The following PPP2R3C variants were observed in gnomAD, a reference collection of about 807,000 sequenced individuals.
PPP2R3C encodes the protein serine/threonine-protein phosphatase 2A regulatory subunit B'' subunit gamma.
A neutral mutation model predicts 63.7 loss-of-function variants in PPP2R3C; 47 were observed. The ratio of observed to expected loss-of-function variants is 0.74; its 90% CI spans 0.58 to 0.94. PPP2R3C has a LOEUF of 0.94. Ranked by LOEUF, PPP2R3C falls within the 40% of genes least tolerant of loss-of-function variation. PPP2R3C has a pLI of 0.00. For missense variants in PPP2R3C, 421 were observed against 518.4 expected (o/e 0.81, Z 1.82); for synonymous variants, 180 against 177.4 (o/e 1.01, Z -0.12).
At chr14:35,116,284 C>T (rs956224926) in intron 2 of PPP2R3C, among the ~76,000 whole-genome samples, 6 of 152,038 alleles carry the variant, frequency 3.9e-5, no homozygotes, top group African/African-American at 1.5e-4. Context: ...CAGGGTCTAA[C>T]TCTGTTACCC....
At chr14:35,087,705 A>G (rs1404476903) in intron 12 of PPP2R3C, 2 of 428,006 alleles carry the variant, frequency 4.7e-6, no homozygotes. Flanking sequence ...CGGCCCCCTG[A>G]CTGTCTTAAT....
At chr14:35,089,081 T>C (rs1488951703) in intron 11 of PPP2R3C, among the ~76,000 whole-genome samples, 2 of 152,174 alleles carry the variant, frequency 1.3e-5, no homozygotes, top group African/African-American at 2.4e-5. Context: ...GCCGCTGATA[T>C]AAGCCCATAT....
At chr14:35,115,905 G>A (rs149097322) in intron 2 of PPP2R3C, among the ~76,000 whole-genome samples, 6 of 152,316 alleles carry the variant, frequency 3.9e-5, no homozygotes, top group African/African-American at 9.6e-5. Flanking sequence ...TTACAGGCAT[G>A]AGCCACCATG....
intron 1 of PPP2R3C, chr14:35,117,152 A>C (rs1232814206): frequency 1.8e-5 from 8 of 455,776 alleles, no homozygotes; most frequent in Non-Finnish European, 2.2e-5. Context: ...ATGGAGTTTC[A>C]GCCTCATAAT....
chr14:35,112,798 A>G (rs2046604827), intron 2 of PPP2R3C: 1 of 152,224 alleles, frequency 6.6e-6, no homozygotes, highest in Non-Finnish European at 1.5e-5. Context: ...CTTCATCTGC[A>G]TGATAAAACC....
At chr14:35,089,696 C>T (rs555280120) in intron 11 of PPP2R3C, among the ~76,000 whole-genome samples, 13 of 151,840 alleles carry the variant, frequency 8.6e-5, no homozygotes, top group South Asian at 2.1e-4. Context: ...GACTCAGTCT[C>T]GCTCTGTTAC....
chr14:35,105,592 A>T (rs2046324584), intron 6 of PPP2R3C, among the ~76,000 whole-genome samples: 1 of 152,172 alleles, frequency 6.6e-6, no homozygotes, highest in African/African-American at 2.4e-5. Context: ...TAAAAAAAAT[A>T]AAAATAAAAA....
At chr14:35,108,057 A>G (rs771439417) in intron 5 of PPP2R3C, 82 bp downstream of exon 5, 1 of 1,511,648 alleles carries the variant, frequency 6.6e-7, no homozygotes, top group South Asian at 1.3e-5. Context: ...GATTTCACAT[A>G]GAAGAAATAC....
intron 6 of PPP2R3C, chr14:35,102,427 G>C (rs1209544275): frequency 6.6e-6 from 1 of 152,160 alleles, no homozygotes. Context: ...AGGACAACTG[G>C]CATCTCAAAC....
chr14:35,119,869 G>A (rs868052307), intron 1 of PPP2R3C, among the ~76,000 whole-genome samples: 1 of 23,634 alleles, frequency 4.2e-5, no homozygotes, highest in Admixed American at 3.7e-4. Flanking sequence ...TTTTTTTTTT[G>A]AGACGGAGTC....
At chr14:35,100,841 C>T (rs994205555) in intron 6 of PPP2R3C, 4 of 152,264 alleles carry the variant, frequency 2.6e-5, no homozygotes, top group Non-Finnish European at 5.9e-5. Context: ...CCATGTTGCC[C>T]AGGCTGGTCT....
At chr14:35,120,770 G>C (rs987775038) in intron 1 of PPP2R3C, among the ~76,000 whole-genome samples, 1 of 151,876 alleles carries the variant, frequency 6.6e-6, no homozygotes, top group Non-Finnish European at 1.5e-5. Context: ...AACATAGCAA[G>C]ACCTCATCTC....
At chr14:35,119,290 G>A (rs143270685) in intron 1 of PPP2R3C, among the ~76,000 whole-genome samples, 185 of 152,052 alleles carry the variant, frequency 1.2e-3, no homozygotes, top group African/African-American at 4.1e-3. Context: ...TGCCTACCTC[G>A]GCCTCCCGAA....
At chr14:35,089,672 T>C (rs1448550454) in intron 11 of PPP2R3C, among the ~76,000 whole-genome samples, 5 of 151,950 alleles carry the variant, frequency 3.3e-5, no homozygotes, top group African/African-American at 7.3e-5. Flanking sequence ...TTTAATTTTT[T>C]TTTTTCTTTT....
Position 35,085,838 on chromosome 14 carries a change from G to T in PPP2R3C, c.1174-60C>A, listed in dbSNP as rs2045575148. Reference sequence around the variant, plus strand: ...CCACTTAATTTCTATCACACATAGTGATCCAAAATTCAGGGCTGTTTGCAT... The same window carrying T: ...CCACTTAATTTCTATCACACATAGTTATCCAAAATTCAGGGCTGTTTGCAT... On this transcript the variant is annotated intron_variant, in intron 12 of 12. Transcript: ENST00000261475. 8 of 1,392,760 alleles carry T rather than the reference G, an allele frequency of 5.7e-6. No individual in the cohort carries two copies. The South Asian group carries it at 1.1e-4, about 19-fold the overall frequency. The allele number at this position is 1,392,760 out of a possible 1,614,324, so 86.3% of individuals were successfully genotyped here.
intron 2 of PPP2R3C, 68 bp from the exon 3 acceptor site, chr14:35,110,697 C>T (rs766702866): frequency 9.7e-7 from 1 of 1,029,920 alleles, no homozygotes; most frequent in South Asian, 1.4e-5. Context: ...TGTATGTGGC[C>T]TCATAAAATA....
intron 1 of PPP2R3C, 147 bp from the exon 2 acceptor site, chr14:35,116,884 T>A: frequency 1.5e-6 from 1 of 645,610 alleles, no homozygotes; most frequent in Non-Finnish European, 2.4e-6. Flanking sequence ...CTGAGCATAT[T>A]AACTTTTCTG....
chr14:35,112,567 T>A (rs184915271), intron 2 of PPP2R3C, among the ~76,000 whole-genome samples: 4 of 152,204 alleles, frequency 2.6e-5, no homozygotes, highest in African/African-American at 9.6e-5. Context: ...TAAAGGAGTA[T>A]AAACCAAAAA....
intron 10 of PPP2R3C, among the ~76,000 whole-genome samples, chr14:35,094,652 A>C (rs1467484457): frequency 8.7e-6 from 1 of 114,814 alleles, no homozygotes; most frequent in Non-Finnish European, 2.0e-5. Context: ...TTTTAAAGAC[A>C]CTGTTACACA....
Sources: gnomAD v4.1 joint callset for allele counts (sites outside exome capture counted in the v4.1 genomes callset) on GRCh38, gnomAD v4.1.1 for gene constraint, MANE v1.5 for transcripts, NCBI Gene and HGNC (gene_info 2026-07-23, HGNC 2026-07-21) for gene names.